Variants in STK10 observed in about 807,000 individuals in gnomAD.
STK10 encodes serine/threonine-protein kinase 10.
In STK10, 78 loss-of-function variants were observed where a neutral mutation model predicts 113.8. The ratio of observed to expected loss-of-function variants is 0.69; its 90% CI spans 0.57 to 0.83. The LOEUF (loss-of-function observed/expected upper bound fraction) is 0.83. Among genes scored for constraint, STK10 ranks in the 40% least tolerant of loss-of-function variants. The pLI is 0.00. For synonymous variants in STK10, 465 were observed against 494.7 expected, an observed-to-expected ratio of 0.94 and a Z score of 0.80; for missense variants, 1,109 against 1,280.1, an observed-to-expected ratio of 0.87 and a Z score of 2.04.
intron 15 of STK10, 81 bp downstream of exon 15, chr5:172,057,268 G>C (rs1171048838): frequency 1.3e-6 from 2 of 1,530,922 alleles, no homozygotes; most frequent in South Asian, 2.4e-5. Context: ...CACCCAAGAG[G>C]TGCCCCATCA....
At chr5:172,141,415 A>G (rs936889254) in intron 2 of STK10, among the ~76,000 whole-genome samples, 2 of 149,844 alleles carry the variant, frequency 1.3e-5, no homozygotes, top group Non-Finnish European at 3.0e-5. Context: ...CGTATCTACA[A>G]AAAATACAAA....
In STK10 at chr5:172,188,044, G is replaced by C. The variant is rs917822668; in HGVS notation, c.-2C>G. 1 of 1,611,056 alleles carries C rather than the reference G, an allele frequency of 6.2e-7. No homozygotes were observed. Among genetic ancestry groups the C allele is most frequent in the African/African-American group, 1.3e-5 (1 of 74,846 alleles). On this transcript the variant is annotated 5_prime_UTR_variant, in exon 1 of 19. Transcript: ENST00000176763. This position sits in a 1 kb window ranked among gnomAD's most constrained non-coding sequence, Gnocchi z 5.6. The stretch of plus-strand genomic sequence containing the variant: ...GCGGCGGAAATTGGCAAAAGCCATG[G>C]CCGGGGGCGCGGTGGCGCCGGCTCG...
In STK10 at chr5:172,133,464, G is replaced by A. The variant is rs1297564250; in HGVS notation, c.322-6043C>T. On this transcript the variant is annotated intron_variant, in intron 2 of 18. Coordinates refer to ENST00000176763, the MANE Select transcript of STK10 (RefSeq NM_005990.4). The surrounding 1 kb of genome is among the most constrained non-coding windows in gnomAD (Gnocchi z 4.9). Reference sequence around the variant, plus strand: ...GGACTTACTCATCCCCTGCAAGGGAGGGGTAGAAGCAGGGTGCTAAGCCAG... The same window carrying A: ...GGACTTACTCATCCCCTGCAAGGGAAGGGTAGAAGCAGGGTGCTAAGCCAG... Among the ~76,000 whole-genome samples, 1 of 152,166 alleles carries A rather than the reference G, an allele frequency of 6.6e-6. No homozygotes were observed. The highest frequency in any genetic ancestry group is 1.5e-5 in the Non-Finnish European group (1 of 68,032).
At chr5:172,172,817 T>C (rs1021181541) in intron 1 of STK10, among the ~76,000 whole-genome samples, 1 of 151,948 alleles carries the variant, frequency 6.6e-6, no homozygotes, top group African/African-American at 2.4e-5. Context: ...CTGTCTCTAC[T>C]AAAAATACAA....
intron 4 of STK10, among the ~76,000 whole-genome samples, chr5:172,116,716 A>C (rs1292501811): frequency 6.6e-6 from 1 of 151,222 alleles, no homozygotes; most frequent in African/African-American, 2.4e-5. Flanking sequence ...AAAAATACAA[A>C]AATTAGCCAG....
Position 172,187,757 on chromosome 5 carries a change from G to A in STK10, c.156+130C>T, listed in dbSNP as rs1345514912. Reference sequence around the variant, plus strand: ...AAAAAACAAGAGTCATCGGGATGAGGGCCAGGGACCCCGAATTCAGCGCCG... The same window carrying A: ...AAAAAACAAGAGTCATCGGGATGAGAGCCAGGGACCCCGAATTCAGCGCCG... On this transcript the variant is annotated intron_variant, in intron 1 of 18. Transcript: ENST00000176763. The surrounding 1 kb of genome is among the most constrained non-coding windows in gnomAD (Gnocchi z 4.6). The A allele has an allele frequency of 5.8e-6, 8 of 1,369,002 alleles. No homozygotes were observed. In the South Asian group the frequency reaches 8.1e-5, roughly 14 times the overall value. 84.8% of individuals were successfully genotyped at this position (1,369,002 alleles called of 1,614,324 possible). A position where few individuals can be genotyped will look rare whatever the true frequency, so the allele number is the denominator to read the frequency against.
intron 1 of STK10, among the ~76,000 whole-genome samples, chr5:172,158,169 T>G (rs918895183): frequency 6.6e-6 from 1 of 152,116 alleles, no homozygotes; most frequent in African/African-American, 2.4e-5. Flanking sequence ...TTGTGCATTG[T>G]TGGTGGGAAT....
In STK10 at chr5:172,162,061, C is replaced by G. The variant is rs576672503; in HGVS notation, c.157-5273G>C. On this transcript the variant is annotated intron_variant, in intron 1 of 18. Coordinates refer to ENST00000176763, the MANE Select transcript of STK10 (RefSeq NM_005990.4). ...ACTCAATTTTGAAAGCTTGTTTAGG[C>G]CGGGCGCAGTGGCTCACGATTGTAA... is the stretch of plus-strand genomic sequence containing the variant. Among the ~76,000 whole-genome samples the G allele has an allele frequency of 3.9e-5, 6 of 152,304 alleles. No individual in the cohort carries two copies. The East Asian group carries it at 1.2e-3, about 29-fold the overall frequency.
intron 2 of STK10, among the ~76,000 whole-genome samples, chr5:172,134,576 C>T (rs985684337): frequency 5.3e-5 from 8 of 152,010 alleles, no homozygotes; most frequent in Non-Finnish European, 1.0e-4. Flanking sequence ...CCCTGGACTT[C>T]ATCAACATTG....
At chr5:172,081,469 T>C (rs1768427424) in intron 12 of STK10, among the ~76,000 whole-genome samples, 1 of 152,082 alleles carries the variant, frequency 6.6e-6, no homozygotes, top group Non-Finnish European at 1.5e-5. Flanking sequence ...GAATATTGAC[T>C]GGCTTTATTG....
At chr5:172,058,795 C>T (rs922880057) in intron 14 of STK10, among the ~76,000 whole-genome samples, 6 of 152,018 alleles carry the variant, frequency 3.9e-5, no homozygotes, top group African/African-American at 1.4e-4. Flanking sequence ...GGGCCTAAGG[C>T]ATGAGAATTG....
intron 13 of STK10, chr5:172,064,316 T>G: frequency 5.3e-6 from 1 of 187,828 alleles, no homozygotes; most frequent in Non-Finnish European, 1.1e-5. Flanking sequence ...TGGCACCCCC[T>G]CAGAGCATAA....
At chr5:172,143,054 A>T (rs905278220) in intron 2 of STK10, among the ~76,000 whole-genome samples, 2 of 152,214 alleles carry the variant, frequency 1.3e-5, no homozygotes, top group African/African-American at 4.8e-5. Context: ...TAACTTTTAC[A>T]GCGTATAGGC....
chr5:172,140,209 C>T (rs559959587), intron 2 of STK10, among the ~76,000 whole-genome samples: 4 of 152,110 alleles, frequency 2.6e-5, no homozygotes, highest in Non-Finnish European at 5.9e-5. Flanking sequence ...CTAATCATCA[C>T]GGAAAGGCAA....
chr5:172,083,925 G>GAAAAAAAAAAAAAA (rs58326550), intron 10 of STK10, among the ~76,000 whole-genome samples: 13 of 85,760 alleles, frequency 1.5e-4, no homozygotes, highest in Non-Finnish European at 2.6e-4. Context: ...ACAAAAAAAA[G>GAAAAAAAAAAAAAA]AAAAAAAAAA....
Position 172,143,745 on chromosome 5 carries a change from C to A in STK10, c.321+12879G>T, listed in dbSNP as rs569651644. ...TATGTAGGTTCAAAGTGAGCGAAGT[C>A]ACTTTATCCTTGAAGAAGCAGTTTA... On this transcript the variant is annotated intron_variant, in intron 2 of 18. Coordinates refer to ENST00000176763, the MANE Select transcript of STK10 (RefSeq NM_005990.4). Among the ~76,000 whole-genome samples the A allele has an allele frequency of 3.9e-5, 6 of 152,332 alleles. No homozygotes were observed. In the South Asian group the frequency reaches 1.2e-3, roughly 32 times the overall value.
At chr5:172,078,619 TAAAAAA>T (rs58823824) in intron 12 of STK10, among the ~76,000 whole-genome samples, 1 of 72,874 alleles carries the variant, frequency 1.4e-5, no homozygotes, top group Non-Finnish European at 3.1e-5. Flanking sequence ...GCCTCATCAT[TAAAAAA>T]AAAAAAAAAA....
intron 12 of STK10, among the ~76,000 whole-genome samples, chr5:172,081,973 C>T (rs1419011403): frequency 6.6e-6 from 1 of 152,190 alleles, no homozygotes; most frequent in African/African-American, 2.4e-5. Context: ...ACCCAGCACC[C>T]ACTCGCCCTT....
chr5:172,113,487 G>C (rs1769289431), intron 4 of STK10, among the ~76,000 whole-genome samples: 1 of 152,120 alleles, frequency 6.6e-6, no homozygotes, highest in Non-Finnish European at 1.5e-5. Flanking sequence ...TGCCTGTGAT[G>C]GGTACAAGAA....
Sources: gnomAD v4.1 joint callset for allele counts (sites outside exome capture counted in the v4.1 genomes callset) on GRCh38, gnomAD v4.1.1 for gene constraint, Gnocchi (gnomAD v3.1) non-coding constraint, MANE v1.5 for transcripts, NCBI Gene and HGNC (gene_info 2026-07-23, HGNC 2026-07-21) for gene names.